ITGB8: variants seen among roughly 807,000 people sequenced by gnomAD.
ITGB8 encodes the protein integrin beta-8.
A neutral mutation model predicts 89.5 loss-of-function variants in ITGB8; 30 were observed. The observed-to-expected ratio is 0.34, with a 90% CI of 0.25 to 0.45. The LOEUF is 0.45. ITGB8 is among the 20% of genes least tolerant of loss of function. The pLI, the probability that ITGB8 is intolerant of heterozygous loss-of-function variation, is 1.00. For missense variants in ITGB8, 836 were observed against 933.3 expected, an observed-to-expected ratio of 0.90 and a Z score of 1.36; for synonymous variants, 335 against 320.4, an observed-to-expected ratio of 1.05 and a Z score of -0.49.
chr7:20,400,398 GAC>G (rs1336404586), intron 9 of ITGB8, among the ~76,000 whole-genome samples: 1 of 151,610 alleles, frequency 6.6e-6, no homozygotes, highest in African/African-American at 2.4e-5. Flanking sequence ...CATTCTCAAA[GAC>G]AAAAGCATTT....
chr7:20,409,231 C>A (rs1032996742), intron 12 of ITGB8, among the ~76,000 whole-genome samples: 1 of 152,188 alleles, frequency 6.6e-6, no homozygotes, highest in Non-Finnish European at 1.5e-5. Context: ...ATCCTCTTTT[C>A]CATTTAGTGA....
At chr7:20,372,173 A>G (rs557029070) in intron 3 of ITGB8, among the ~76,000 whole-genome samples, 3 of 152,328 alleles carry the variant, frequency 2.0e-5, no homozygotes, top group South Asian at 4.1e-4. Flanking sequence ...TTTTAAATAT[A>G]TAAGTTTGAA....
At chr7:20,390,934 G>C (rs970389760) in intron 6 of ITGB8, among the ~76,000 whole-genome samples, 1 of 151,888 alleles carries the variant, frequency 6.6e-6, no homozygotes, top group Admixed American at 6.6e-5. Flanking sequence ...TATCAAATGT[G>C]TATATATAGT....
At chr7:20,375,980 G>C (rs1336264560) in intron 3 of ITGB8, among the ~76,000 whole-genome samples, 2 of 152,190 alleles carry the variant, frequency 1.3e-5, no homozygotes, top group African/African-American at 4.8e-5. Context: ...GAGGAGGAGT[G>C]AATGTGGGAG....
chr7:20,405,925 G>T (rs1787521036), intron 11 of ITGB8, 137 bp from the exon 12 acceptor site: 1 of 577,432 alleles, frequency 1.7e-6, no homozygotes, highest in African/African-American at 1.9e-5. Flanking sequence ...TGTAATGATG[G>T]AGTTAGTTCT....
chr7:20,408,723 A>T (rs1787647394), intron 12 of ITGB8, among the ~76,000 whole-genome samples: 1 of 152,104 alleles, frequency 6.6e-6, no homozygotes, highest in African/African-American at 2.4e-5. Context: ...TTCCTGTTAG[A>T]TTAGGGTAAT....
At chr7:20,355,173 C>A (rs1785250133) in intron 1 of ITGB8, among the ~76,000 whole-genome samples, 3 of 152,208 alleles carry the variant, frequency 2.0e-5, no homozygotes, top group Non-Finnish European at 2.9e-5. Flanking sequence ...CCTCCCCGTA[C>A]CAGGCTGCCT....
rs550589188 is a variant in ITGB8, at chr7:20,406,708, T to C, written c.2023+537T>C. 9.2e-5 allele frequency among the ~76,000 whole-genome samples: 14 copies of C among 152,296 alleles called. 1 individual carries two copies. The South Asian group carries it at 1.2e-3, about 14-fold the overall frequency. ...CTTAATGTCATACAACTCTTTGAGATTGGTATAATCTCCATGTTATAGATG... is the reference window on the plus strand; with the variant it reads ...CTTAATGTCATACAACTCTTTGAGACTGGTATAATCTCCATGTTATAGATG... On this transcript the variant is annotated intron_variant, in intron 12 of 13. Transcript: ENST00000222573.
Position 20,406,128 on chromosome 7 carries a change from A to C in ITGB8, c.1980A>C (p.Ser660=). The C allele has an allele frequency of 6.2e-7, 1 of 1,613,314 alleles. No individual in the cohort carries two copies. The highest frequency in any genetic ancestry group is 8.5e-7 in the Non-Finnish European group (1 of 1,179,256). The change falls in exon 12 of 14, where the codon TCA becomes TCC. Residue 660 remains serine (S), a synonymous_variant. Transcript: ENST00000222573. ...CTATACTTGATCAGTGCAAAACCTC[A>C]TGTGCTCTCATGGAACAACAGCATT... ...SQAILDQCKT[S]CALMEQQHYV... is the part of the protein sequence containing the mutation.
intron 3 of ITGB8, among the ~76,000 whole-genome samples, chr7:20,369,864 GA>G (rs1785856057): frequency 6.6e-6 from 1 of 151,878 alleles, no homozygotes; most frequent in African/African-American, 2.4e-5. Flanking sequence ...CTATCTCCAA[GA>G]ATAAATTGAA....
chr7:20,409,324 G>A (rs1374728936), intron 12 of ITGB8, among the ~76,000 whole-genome samples: 2 of 152,182 alleles, frequency 1.3e-5, no homozygotes, highest in African/African-American at 4.8e-5. Flanking sequence ...ACATATTCCA[G>A]TTAATACAAT....
At chr7:20,409,833 A>C (rs752540588) in intron 13 of ITGB8, 42 bp from the exon 14 acceptor site, 1 of 1,610,514 alleles carries the variant, frequency 6.2e-7, no homozygotes, top group South Asian at 1.1e-5. Flanking sequence ...TAGTTACAAT[A>C]TTTAGGCCCT....
At position 20,381,728 on chromosome 7, in the gene ITGB8, G is replaced by A. The variant is rs1270096990; in HGVS notation, c.803G>A (p.Ser268Asn). The change falls in exon 6 of 14, where the codon AGT (serine) becomes AAT (asparagine). Residue 268 changes from serine (S) to asparagine (N), a missense_variant and splice_region_variant. Around this residue, in one of 5 missense-constraint regions of ITGB8, gnomAD observed 192 missense variants for 267.1 expected, o/e 0.72. Coordinates refer to ENST00000222573, the MANE Select transcript of ITGB8 (RefSeq NM_002214.3). The stretch of plus-strand genomic sequence containing the variant: ...TCTAATTACATGTTTATTTTTAAGA[G>A]TCATATCGGATGGCGAAAAGAGGCT... ...DAMLQAAVCESHIGWRKEAKR... is the reference protein window; with the variant it reads ...DAMLQAAVCENHIGWRKEAKR... The A allele has an allele frequency of 1.9e-6, 3 of 1,604,640 alleles. No homozygotes were observed. The highest frequency in any genetic ancestry group is 2.7e-5 in the African/African-American group (2 of 74,034).
intron 1 of ITGB8, among the ~76,000 whole-genome samples, chr7:20,337,244 T>G (rs1784605371): frequency 6.6e-6 from 1 of 152,222 alleles, no homozygotes; most frequent in African/African-American, 2.4e-5. Context: ...GTAATTAGAT[T>G]ACAAAAACTG....
Position 20,379,623 on chromosome 7 carries a change from T to C in ITGB8, c.635+326T>C, listed in dbSNP as rs111315951. 6.3e-4 allele frequency: 96 copies of C among 153,326 alleles called. 1 individual carries two copies. The highest frequency in any genetic ancestry group is 3.4e-3 in the Middle Eastern group (1 of 296). 9.5% of individuals were successfully genotyped at this position (153,326 alleles called of 1,614,324 possible). A position where few individuals can be genotyped will look rare whatever the true frequency, so the allele number is the denominator to read the frequency against. ...GCTGCCATGTATATAAATACCTCTT[T>C]GGAAATTCTGTATTTTTATTTTTTG... On this transcript the variant is annotated intron_variant, in intron 4 of 13. Coordinates refer to ENST00000222573, the MANE Select transcript of ITGB8 (RefSeq NM_002214.3).
intron 5 of ITGB8, 191 bp downstream of exon 5, chr7:20,381,022 G>A: frequency 2.0e-6 from 1 of 504,980 alleles, no homozygotes; most frequent in Non-Finnish European, 3.5e-6. Flanking sequence ...ATTCAGGGAG[G>A]GATTTAAATA....
rs1178703022 is a variant in ITGB8, at chr7:20,414,714, T to G, written c.*4717T>G. On this transcript the variant is annotated 3_prime_UTR_variant, in exon 14 of 14. Transcript: ENST00000222573. ...CTTCAAGCTTATGTAACGACTGTTA[T>G]AAAACTGCATATTTAAATTATTTGA... 1 of 152,584 alleles carries G rather than the reference T, an allele frequency of 6.6e-6. No individual in the cohort carries two copies. The highest frequency in any genetic ancestry group is 2.4e-5 in the African/African-American group (1 of 41,452). The allele number at this position is 152,584 out of a possible 1,614,324, so 9.5% of individuals were successfully genotyped here.
intron 10 of ITGB8, 81 bp downstream of exon 10, chr7:20,402,207 T>C: frequency 8.1e-7 from 1 of 1,238,454 alleles, no homozygotes. Flanking sequence ...AAATCACATG[T>C]TTATAAATTA....
intron 12 of ITGB8, among the ~76,000 whole-genome samples, chr7:20,406,966 G>C (rs2075664858): frequency 6.6e-6 from 1 of 150,866 alleles, no homozygotes; most frequent in African/African-American, 2.5e-5. Flanking sequence ...TCATTACTTA[G>C]GATTTTTTTG....
Sources: gnomAD v4.1 joint callset for allele counts (sites outside exome capture counted in the v4.1 genomes callset) on GRCh38, gnomAD v4.1.1 for gene constraint, gnomAD v4.1.1 regional missense constraint, MANE v1.5 for transcripts, NCBI Gene and HGNC (gene_info 2026-07-23, HGNC 2026-07-21) for gene names.